Variants in ZP3 observed in about 807,000 individuals in gnomAD.
ZP3 encodes zona pellucida glycoprotein 3, also known as zona pellucida sperm-binding protein 3.
A neutral mutation model predicts 35.6 loss-of-function variants in ZP3; 21 were observed. The observed-to-expected ratio is 0.59, with a 90% CI of 0.42 to 0.85. ZP3 has a LOEUF of 0.85. ZP3 is among the 40% of genes least tolerant of loss of function. The pLI is 0.00. For synonymous variants in ZP3, 207 were observed against 214.5 expected (o/e 0.96, Z 0.31); for missense variants, 437 against 536.5 (o/e 0.81, Z 1.83).
intron 4 of ZP3, 63 bp downstream of exon 4, chr7:76,433,710 T>C: frequency 5.3e-6 from 8 of 1,519,158 alleles, no homozygotes; most frequent in Non-Finnish European, 7.1e-6. Flanking sequence ...GCCACCTGTT[T>C]GGCTTTTTGA....
intron 1 of ZP3, among the ~76,000 whole-genome samples, chr7:76,404,144 A>G (rs746183551): frequency 6.6e-6 from 1 of 152,000 alleles, no homozygotes; most frequent in Non-Finnish European, 1.5e-5. Context: ...TCATTCCCCA[A>G]ACTCAGACTC....
chr7:76,403,603 T>G (rs1804899591), intron 1 of ZP3, among the ~76,000 whole-genome samples: 1 of 151,958 alleles, frequency 6.6e-6, no homozygotes, highest in Non-Finnish European at 1.5e-5. Flanking sequence ...CCCAAAGTGC[T>G]GGGATTACAG....
intron 1 of ZP3, 37 bp downstream of exon 1, chr7:76,425,313 A>T: frequency 6.4e-7 from 1 of 1,572,010 alleles, no homozygotes; most frequent in Non-Finnish European, 8.6e-7. Context: ...TGGTGGGAGG[A>T]TGTTCGAGGC....
At chr7:76,406,994 T>A (rs1805055987) in intron 1 of ZP3, among the ~76,000 whole-genome samples, 2 of 152,176 alleles carry the variant, frequency 1.3e-5, no homozygotes, top group African/African-American at 2.4e-5. Flanking sequence ...AGAGCCTCCC[T>A]CTGTCACCCA....
At chr7:76,412,290 T>A (rs1048868661) in intron 1 of ZP3, among the ~76,000 whole-genome samples, 3 of 152,060 alleles carry the variant, frequency 2.0e-5, no homozygotes, top group Middle Eastern at 6.8e-3. Flanking sequence ...TAAAAAAAGC[T>A]AGTCTTAAAG....
rs754066676 is a variant in ZP3 at position 76,429,586 on chromosome 7, C to A, written c.384C>A (p.Ile128=). The part of the protein sequence containing the change: ...HDPRPVGNLS[I]VRTNRAEIPI... Reference sequence around the variant, plus strand: ...CCCGCCCCGTGGGAAACCTGTCCATCGTGAGGACTAACCGCGCAGAGATTC... The same window carrying A: ...CCCGCCCCGTGGGAAACCTGTCCATAGTGAGGACTAACCGCGCAGAGATTC... The change falls in exon 2 of 8, where the codon ATC becomes ATA. Residue 128 remains isoleucine, a synonymous_variant. Transcript: ENST00000394857. 6.2e-7 allele frequency: 1 copy of A among 1,614,108 alleles called. No individual in the cohort carries two copies. Among genetic ancestry groups the A allele is most frequent in the South Asian group, 1.1e-5 (1 of 91,088 alleles).
At chr7:76,439,148 A>AAAAAAG (rs1806117663) in intron 5 of ZP3, among the ~76,000 whole-genome samples, 2 of 146,636 alleles carry the variant, frequency 1.4e-5, no homozygotes, top group South Asian at 2.2e-4. Context: ...AAAAAAAAAA[A>AAAAAAG]AAACCTCTTA....
rs377644656 is a variant in ZP3 at position 76,441,252 on chromosome 7, C to A, written c.1061-590C>A. ...TTGGGGAGGCTGAGGCCAGGGAAAT[C>A]GCTTGAGCCCCATGAGTTCTCGACC... On this transcript the variant is annotated intron_variant, in intron 7 of 7. Coordinates refer to ENST00000394857, the MANE Select transcript of ZP3 (RefSeq NM_001110354.2). Among the ~76,000 whole-genome samples, 662 of 151,338 alleles carry A rather than the reference C, an allele frequency of 4.4e-3. 7 individuals carry two copies. Among genetic ancestry groups the A allele is most frequent in the South Asian group, 0.022 (107 of 4,784 alleles).
At chr7:76,441,034 G>C (rs1474492411) in intron 7 of ZP3, among the ~76,000 whole-genome samples, 12 of 150,970 alleles carry the variant, frequency 7.9e-5, no homozygotes, top group African/African-American at 2.7e-4. Context: ...AGCTGGGCGT[G>C]GTGGTACATG....
At chr7:76,424,502 G>A (rs1256194051), upstream of ZP3, among the ~76,000 whole-genome samples, 1 of 152,148 alleles carries the variant, frequency 6.6e-6, no homozygotes, top group Non-Finnish European at 1.5e-5. Flanking sequence ...GGTGGCGCAT[G>A]CCTTCCTGTA....
chr7:76,415,712 G>T (rs544474718), intron 1 of ZP3, among the ~76,000 whole-genome samples: 1 of 150,876 alleles, frequency 6.6e-6, no homozygotes, highest in Admixed American at 6.6e-5. Context: ...AGCCAGGATG[G>T]TCTTGATCTC....
chr7:76,400,750 C>T, intron 1 of ZP3, among the ~76,000 whole-genome samples: 1 of 152,202 alleles, frequency 6.6e-6, no homozygotes. Flanking sequence ...TCAAGTGATC[C>T]TCCTGCCTTG....
intron 1 of ZP3, among the ~76,000 whole-genome samples, chr7:76,417,666 C>T (rs1805409078): frequency 6.7e-6 from 1 of 150,274 alleles, no homozygotes; most frequent in South Asian, 2.1e-4. Flanking sequence ...GGCTAGAGTG[C>T]AGTGGTGTGA....
At chr7:76,430,712 G>A (rs1290560023) in intron 2 of ZP3, among the ~76,000 whole-genome samples, 2 of 152,204 alleles carry the variant, frequency 1.3e-5, no homozygotes, top group African/African-American at 2.4e-5. Flanking sequence ...TCCAGCCTGG[G>A]CAACAGAGCA....
intron 4 of ZP3, 191 bp from the exon 5 acceptor site, chr7:76,433,847 C>T: frequency 1.8e-6 from 2 of 1,094,338 alleles, no homozygotes; most frequent in South Asian, 3.1e-5. Flanking sequence ...TACAGGTGCC[C>T]ATCACCATGC....
At chr7:76,435,143 G>T (rs1397506621) in intron 5 of ZP3, among the ~76,000 whole-genome samples, 1 of 151,856 alleles carries the variant, frequency 6.6e-6, no homozygotes, top group Admixed American at 6.6e-5. Context: ...TCAGGAGATT[G>T]AGACCATCCT....
chr7:76,417,849 A>G (rs1805412123), intron 1 of ZP3, among the ~76,000 whole-genome samples: 1 of 150,426 alleles, frequency 6.6e-6, no homozygotes, highest in South Asian at 2.1e-4. Flanking sequence ...CCTGGACTCA[A>G]TTGATCCTCC....
At chr7:76,441,179 A>AT (rs753649092) in intron 7 of ZP3, among the ~76,000 whole-genome samples, 1 of 151,498 alleles carries the variant, frequency 6.6e-6, no homozygotes, top group Non-Finnish European at 1.5e-5. Context: ...CTCAAAAAAA[A>AT]AATAATAATC....
intron 3 of ZP3, 23 bp from the exon 4 acceptor site, chr7:76,433,447 G>C: frequency 6.2e-7 from 1 of 1,604,188 alleles, no homozygotes; most frequent in South Asian, 1.1e-5. Flanking sequence ...GAGCCACCAT[G>C]CCCAGCTGAC....
Sources: allele counts gnomAD v4.1 joint callset (sites outside exome capture counted in the v4.1 genomes callset), GRCh38; gene constraint gnomAD v4.1.1; transcripts MANE v1.5; gene names NCBI Gene and HGNC (gene_info 2026-07-23, HGNC 2026-07-21).